The following EPHB2 variants were observed in gnomAD, a reference collection of about 807,000 sequenced individuals.
The protein encoded by EPHB2 is EPH receptor B2.
EPHB2 carries 18 observed loss-of-function variants against 96.4 expected under a neutral mutation model. The observed-to-expected ratio is 0.19, with a 90% CI of 0.13 to 0.28. EPHB2 has a LOEUF of 0.28. Ranked by LOEUF, EPHB2 falls within the 10% of genes least tolerant of loss-of-function variation. The pLI, the probability that EPHB2 is intolerant of heterozygous loss-of-function variation, is 1.00. For missense variants in EPHB2, 989 were observed against 1,355.4 expected, an observed-to-expected ratio of 0.73 and a Z score of 4.25; for synonymous variants, 506 against 534.1, an observed-to-expected ratio of 0.95 and a Z score of 0.72.
At chr1:22,814,830 C>T (rs1328810724) in intron 3 of EPHB2, among the ~76,000 whole-genome samples, 1 of 152,226 alleles carries the variant, frequency 6.6e-6, no homozygotes, top group East Asian at 1.9e-4. Flanking sequence ...GTTTACAAGG[C>T]ATGGGGCTGG....
Position 22,893,037 on chromosome 1 carries a change from A to T in EPHB2, c.1582A>T (p.Met528Leu), listed in dbSNP as rs1374313440. 6.2e-7 allele frequency: 1 copy of T among 1,614,108 alleles called. No homozygotes were observed. Among genetic ancestry groups the T allele is most frequent in the African/African-American group, 1.3e-5 (1 of 74,942 alleles). The part of the protein sequence containing the change: ...RYSGKMYFQT[M>L]TEAEYQTSIQ... ...CAGCGGCAAGATGTACTTCCAGACC[A>T]TGACAGAAGGTGAGCAGAGTCCAGC... Residue 528 changes from methionine to leucine, a missense_variant, in exon 7 of 16, where the codon ATG becomes TTG. Transcript: ENST00000374630.
chr1:22,836,513 GC>G (rs1645387681), intron 3 of EPHB2, among the ~76,000 whole-genome samples: 1 of 152,226 alleles, frequency 6.6e-6, no homozygotes, highest in Admixed American at 6.5e-5. Flanking sequence ...AGGAGGGAGT[GC>G]GTAATGGCTA....
chr1:22,802,440 A>C (rs1255838082), intron 3 of EPHB2, among the ~76,000 whole-genome samples: 1 of 152,076 alleles, frequency 6.6e-6, no homozygotes, highest in Non-Finnish European at 1.5e-5. Context: ...GCAGGCTTTG[A>C]GAGATGTGTC....
chr1:22,789,325 A>G (rs1161295648), intron 3 of EPHB2, among the ~76,000 whole-genome samples: 1 of 152,240 alleles, frequency 6.6e-6, no homozygotes. Context: ...GTTAATATAA[A>G]TTAGAGAAAA....
chr1:22,888,035 G>GT lies in EPHB2; in HGVS notation c.1429-4843dup, dbSNP rs1306585016. ...TCTATAATGGTTTTTTTGTTTGTTT[G>GT]TTTTTTGGGGGTTTTTTTTGTGTGT... is the stretch of plus-strand genomic sequence containing the variant. On this transcript the variant is annotated intron_variant, in intron 6 of 15. Transcript: ENST00000374630. 2.6e-5 allele frequency among the ~76,000 whole-genome samples: 4 copies of GT among 152,062 alleles called. No homozygotes were observed. The East Asian group carries it at 7.7e-4, about 29-fold the overall frequency.
intron 1 of EPHB2, among the ~76,000 whole-genome samples, chr1:22,779,374 G>A (rs1242556272): frequency 6.6e-6 from 1 of 152,114 alleles, no homozygotes; most frequent in Non-Finnish European, 1.5e-5. Flanking sequence ...TCATGGGGAT[G>A]CCAGTGCACA....
intron 1 of EPHB2, among the ~76,000 whole-genome samples, chr1:22,734,228 G>A (rs532713801): frequency 6.6e-6 from 1 of 152,196 alleles, no homozygotes; most frequent in South Asian, 2.1e-4. Flanking sequence ...GCAGGAGCAG[G>A]ATAAATCTTA....
intron 3 of EPHB2, among the ~76,000 whole-genome samples, chr1:22,819,829 T>C (rs1645128028): frequency 6.9e-6 from 1 of 145,608 alleles, no homozygotes; most frequent in Non-Finnish European, 1.5e-5. Flanking sequence ...TTTTTTTTTT[T>C]TAATGGAGCT....
At chr1:22,788,753 G>GTTTTTTTTTTT (rs66554696) in intron 3 of EPHB2, among the ~76,000 whole-genome samples, 1 of 134,162 alleles carries the variant, frequency 7.5e-6, no homozygotes, top group African/African-American at 2.9e-5. Flanking sequence ...TTTTGTTTTT[G>GTTTTTTTTTTT]TTTTTTTTTT....
intron 3 of EPHB2, among the ~76,000 whole-genome samples, chr1:22,857,760 A>T (rs1249431174): frequency 6.6e-6 from 1 of 152,020 alleles, no homozygotes; most frequent in Non-Finnish European, 1.5e-5. Context: ...ATATTTTCTC[A>T]CCCACCTTCT....
intron 3 of EPHB2, among the ~76,000 whole-genome samples, chr1:22,823,085 A>G (rs1645174788): frequency 6.6e-6 from 1 of 152,190 alleles, no homozygotes; most frequent in Non-Finnish European, 1.5e-5. Flanking sequence ...GAAGAGCCAG[A>G]CAGGAGACCT....
At chr1:22,751,839 C>A (rs1319328630) in intron 1 of EPHB2, among the ~76,000 whole-genome samples, 2 of 152,216 alleles carry the variant, frequency 1.3e-5, no homozygotes, top group Non-Finnish European at 2.9e-5. Flanking sequence ...TCATGAAGGC[C>A]ACCAGCTTTC....
chr1:22,891,313 C>A, intron 6 of EPHB2: 1 of 413,526 alleles, frequency 2.4e-6, no homozygotes, highest in Non-Finnish European at 4.8e-6. Context: ...GGGCTCCGTG[C>A]ACTCTGTGAT....
In EPHB2 at chr1:22,913,276, A is replaced by G. The variant is rs992397234; in HGVS notation, c.2853-186A>G. On this transcript the variant is annotated intron_variant, in intron 15 of 15. Transcript: ENST00000374630. The surrounding 1 kb of genome is among the most constrained non-coding windows in gnomAD (Gnocchi z 4.1). ...CCCTAGGGACCCTGATTCCGACTCA[A>G]GTGCTCTTCCACCTCACACCATAGT... is the stretch of plus-strand genomic sequence containing the variant. 26 of 704,632 alleles carry G rather than the reference A, an allele frequency of 3.7e-5. No homozygotes were observed. The East Asian group carries it at 6.3e-4, about 17-fold the overall frequency. 43.6% of individuals were successfully genotyped at this position (704,632 alleles called of 1,614,324 possible).
Position 22,913,444 on chromosome 1 carries a change from C to T in EPHB2, c.2853-18C>T, listed in dbSNP as rs758614018. Reference sequence around the variant, plus strand: ...TTCACCCGCATATTTCCCTAACACACGTGCTTCTCTCCCAAAGGGACATTC... The same window carrying T: ...TTCACCCGCATATTTCCCTAACACATGTGCTTCTCTCCCAAAGGGACATTC... On this transcript the variant is annotated intron_variant, in intron 15 of 15. Coordinates refer to ENST00000374630, the MANE Select transcript of EPHB2 (RefSeq NM_017449.5). This position sits in a 1 kb window ranked among gnomAD's most constrained non-coding sequence, Gnocchi z 4.1. 6.2e-6 allele frequency: 10 copies of T among 1,613,962 alleles called. No individual in the cohort carries two copies. The highest frequency in any genetic ancestry group is 1.6e-4 in the Middle Eastern group (1 of 6,062).
At chr1:22,823,764 C>T (rs572165877) in intron 3 of EPHB2, among the ~76,000 whole-genome samples, 1 of 152,368 alleles carries the variant, frequency 6.6e-6, no homozygotes. Context: ...ACTATCTAAG[C>T]TTTTCCTCAT....
At chr1:22,787,918 A>G (rs138073139) in intron 3 of EPHB2, among the ~76,000 whole-genome samples, 2,387 of 152,304 alleles carry the variant, frequency 0.016, 27 homozygotes, top group South Asian at 0.042. Context: ...AAGGTCACTC[A>G]CGGGGTTGTT....
At chr1:22,905,089 A>G (rs1639867497) in intron 9 of EPHB2, among the ~76,000 whole-genome samples, 1 of 152,218 alleles carries the variant, frequency 6.6e-6, no homozygotes, top group Non-Finnish European at 1.5e-5. Context: ...GGGAGGCGGA[A>G]GATGGATGGG....
At chr1:22,894,478 T>TCTGGAGATGCCAGG (rs1639490534) in intron 7 of EPHB2, among the ~76,000 whole-genome samples, 1 of 151,362 alleles carries the variant, frequency 6.6e-6, no homozygotes, top group African/African-American at 2.4e-5. Context: ...GCACCTGTAG[T>TCTGGAGATGCCAGG]CACAGCTGCT....
Sources: gnomAD v4.1 joint callset for allele counts (sites outside exome capture counted in the v4.1 genomes callset) on GRCh38, gnomAD v4.1.1 for gene constraint, Gnocchi (gnomAD v3.1) non-coding constraint, MANE v1.5 for transcripts, NCBI Gene and HGNC (gene_info 2026-07-23, HGNC 2026-07-21) for gene names.